Variants in NRXN3 observed in about 807,000 individuals in gnomAD.
NRXN3 encodes the protein neurexin 3.
A neutral mutation model predicts 137.6 loss-of-function variants in NRXN3; 32 were observed. The observed-to-expected ratio is 0.23, with a 90% confidence interval of 0.18 to 0.31. The LOEUF (loss-of-function observed/expected upper bound fraction) is 0.31, where lower values mean the gene tolerates loss of function less well. Ranked by LOEUF, NRXN3 falls within the 10% of genes least tolerant of loss-of-function variation. The pLI, the probability that NRXN3 is intolerant of heterozygous loss-of-function variation, is 1.00. For missense variants in NRXN3, 1,574 were observed against 2,062.5 expected, an observed-to-expected ratio of 0.76 and a Z score of 4.59; for synonymous variants, 798 against 784.5, an observed-to-expected ratio of 1.02 and a Z score of -0.29.
chr14:79,066,686 T>C (rs767597190), intron 15 of NRXN3, among the ~76,000 whole-genome samples: 1 of 151,740 alleles, frequency 6.6e-6, no homozygotes. Context: ...TTCACTTCCC[T>C]TGTTAGTTGT....
intron 10 of NRXN3, among the ~76,000 whole-genome samples, chr14:78,928,766 G>C (rs140593156): frequency 4.5e-4 from 69 of 152,238 alleles, no homozygotes; most frequent in Middle Eastern, 3.4e-3. Context: ...AAACATACGT[G>C]TGCATGTGTC....
chr14:78,211,648 C>T (rs778151696), intron 1 of NRXN3, among the ~76,000 whole-genome samples: 1 of 152,248 alleles, frequency 6.6e-6, no homozygotes, highest in African/African-American at 2.4e-5. Context: ...GAAGAGATAG[C>T]AAGTTACTGC....
At chr14:78,869,781 A>G (rs1465595696) in intron 10 of NRXN3, among the ~76,000 whole-genome samples, 2 of 152,210 alleles carry the variant, frequency 1.3e-5, no homozygotes, top group East Asian at 3.9e-4. Flanking sequence ...AGAAAAAATT[A>G]TAGAAGGACA....
chr14:78,272,599 C>A (rs962069109), intron 2 of NRXN3, among the ~76,000 whole-genome samples: 1 of 152,234 alleles, frequency 6.6e-6, no homozygotes, highest in Non-Finnish European at 1.5e-5. Flanking sequence ...CATTTTACCC[C>A]TTTCCTCTGT....
intron 1 of NRXN3, among the ~76,000 whole-genome samples, chr14:78,192,674 T>TC (rs1487971527): frequency 2.0e-5 from 3 of 152,026 alleles, no homozygotes; most frequent in Non-Finnish European, 4.4e-5. Context: ...ACTCCCTGGG[T>TC]GTTGATGTGA....
At chr14:79,385,401 A>G (rs1004808269) in intron 15 of NRXN3, among the ~76,000 whole-genome samples, 2 of 151,810 alleles carry the variant, frequency 1.3e-5, no homozygotes, top group African/African-American at 4.8e-5. Flanking sequence ...ATCATTTTTT[A>G]TGGCTGCATA....
chr14:79,650,748 C>T (rs550675620), intron 16 of NRXN3, among the ~76,000 whole-genome samples: 5 of 152,264 alleles, frequency 3.3e-5, no homozygotes, highest in South Asian at 2.1e-4. Context: ...ATTCTACTTA[C>T]ACATCTTATT....
chr14:78,861,351 T>C (rs964822570), intron 10 of NRXN3, among the ~76,000 whole-genome samples: 6 of 152,160 alleles, frequency 3.9e-5, no homozygotes, highest in African/African-American at 1.2e-4. Context: ...CCAATAAACA[T>C]TGACAAACAT....
chr14:79,784,850 G>A lies in NRXN3; in HGVS notation c.4015-20262G>A, dbSNP rs143695831. Among the ~76,000 whole-genome samples the A allele has an allele frequency of 2.8e-3, 430 of 152,158 alleles. 4 individuals carry two copies. The highest frequency in any genetic ancestry group is 9.2e-3 in the African/African-American group (384 of 41,518). ...CATGTGCACACAGACACACAGGTGT[G>A]AACATGACCATTTAATCACATCCAG... On this transcript the variant is annotated intron_variant, in intron 19 of 20. Coordinates refer to ENST00000335750, the MANE Select transcript of NRXN3 (RefSeq NM_001330195.2).
At chr14:79,548,134 C>T (rs2097338787) in intron 16 of NRXN3, among the ~76,000 whole-genome samples, 2 of 152,000 alleles carry the variant, frequency 1.3e-5, no homozygotes, top group Non-Finnish European at 2.9e-5. Flanking sequence ...GTTTGCTGCA[C>T]TCATCAACCC....
At chr14:78,462,621 A>C (rs917396590) in intron 4 of NRXN3, among the ~76,000 whole-genome samples, 3 of 152,196 alleles carry the variant, frequency 2.0e-5, no homozygotes, top group Non-Finnish European at 2.9e-5. Flanking sequence ...TAAGAGGAGA[A>C]TTCATGCTTT....
chr14:78,372,228 C>A (rs972433899), intron 4 of NRXN3, among the ~76,000 whole-genome samples: 2 of 150,916 alleles, frequency 1.3e-5, no homozygotes, highest in Non-Finnish European at 2.9e-5. Context: ...CAGGCTAATC[C>A]CTACGATGAC....
intron 1 of NRXN3, among the ~76,000 whole-genome samples, chr14:78,173,504 T>C (rs1042672467): frequency 6.6e-6 from 1 of 151,180 alleles, no homozygotes; most frequent in Non-Finnish European, 1.5e-5. Context: ...TGTGTGCTTG[T>C]GTCTCTGTGT....
intron 4 of NRXN3, among the ~76,000 whole-genome samples, chr14:78,559,462 A>G (rs533149403): frequency 6.6e-6 from 1 of 152,132 alleles, no homozygotes; most frequent in Non-Finnish European, 1.5e-5. Context: ...ACAATTACCA[A>G]TAGTGTGGTG....
chr14:78,912,281 G>C (rs1265570501), intron 10 of NRXN3, among the ~76,000 whole-genome samples: 1 of 150,138 alleles, frequency 6.7e-6, no homozygotes, highest in East Asian at 2.0e-4. Context: ...CCACCAGGAA[G>C]CTTTAAAAAA....
chr14:78,555,925 G>T (rs1203387518), intron 4 of NRXN3, among the ~76,000 whole-genome samples: 2 of 152,190 alleles, frequency 1.3e-5, no homozygotes, highest in Non-Finnish European at 2.9e-5. Flanking sequence ...TTAACAAAAT[G>T]AATAATGCAG....
intron 4 of NRXN3, among the ~76,000 whole-genome samples, chr14:78,353,072 C>G (rs901410097): frequency 2.0e-5 from 3 of 152,124 alleles, no homozygotes; most frequent in South Asian, 4.1e-4. Flanking sequence ...ATTCTTAGGA[C>G]TAGAAGGACA....
At chr14:78,574,271 CCA>C (rs1289241326) in intron 4 of NRXN3, among the ~76,000 whole-genome samples, 2 of 152,238 alleles carry the variant, frequency 1.3e-5, no homozygotes, top group Non-Finnish European at 2.9e-5. Context: ...GTCTGAGCTC[CCA>C]CACAGAGTCC....
At chr14:78,353,063 T>A (rs374557905) in intron 4 of NRXN3, among the ~76,000 whole-genome samples, 1 of 152,140 alleles carries the variant, frequency 6.6e-6, no homozygotes, top group East Asian at 1.9e-4. Context: ...AAATTCTAGA[T>A]TCTTAGGACT....
Sources: gnomAD v4.1 joint callset for allele counts (sites outside exome capture counted in the v4.1 genomes callset) on GRCh38, gnomAD v4.1.1 for gene constraint, MANE v1.5 for transcripts, NCBI Gene and HGNC (gene_info 2026-07-23, HGNC 2026-07-21) for gene names.